Variants in SLC22A14 observed in about 807,000 individuals in gnomAD.
SLC22A14 encodes organic cation transporter-like 4.
Under a neutral mutation model 53.9 loss-of-function variants are expected in SLC22A14, and 50 were observed. The observed-to-expected ratio is 0.93, with a 90% confidence interval of 0.74 to 1.17. The LOEUF (loss-of-function observed/expected upper bound fraction) is 1.17, where lower values mean the gene tolerates loss of function less well. SLC22A14 is among the 50% of genes most tolerant of loss of function. The pLI, the probability that SLC22A14 is intolerant of heterozygous loss-of-function variation, is 0.00. For synonymous variants in SLC22A14, 312 were observed against 303.0 expected (o/e 1.03, Z -0.31); for missense variants, 671 against 734.7 (o/e 0.91, Z 1.00).
chr3:38,281,649 C>T (rs1703671166), upstream of SLC22A14, among the ~76,000 whole-genome samples: 1 of 152,216 alleles, frequency 6.6e-6, no homozygotes, highest in Non-Finnish European at 1.5e-5. Flanking sequence ...GACCCAATTA[C>T]ATCTTAAAGG....
chr3:38,306,792 G>A (rs754944407), intron 2 of SLC22A14, among the ~76,000 whole-genome samples: 3 of 152,300 alleles, frequency 2.0e-5, no homozygotes, highest in Admixed American at 1.3e-4. Flanking sequence ...CCAAGAAATC[G>A]CTCCTGTAGT....
chr3:38,293,978 A>T (rs1408035547), intron 1 of SLC22A14, among the ~76,000 whole-genome samples: 1 of 152,210 alleles, frequency 6.6e-6, no homozygotes, highest in Non-Finnish European at 1.5e-5. Flanking sequence ...GTAAAACATC[A>T]ATATAGCCAT....
chr3:38,308,761 C>G (rs818820), intron 4 of SLC22A14, among the ~76,000 whole-genome samples, 193 bp from the exon 5 acceptor site: 129,974 of 152,214 alleles, frequency 0.85, 55,587 homozygotes, highest in Non-Finnish European at 0.88. Flanking sequence ...ATAAGGGTGT[C>G]CCCTGGCGGG....
At chr3:38,312,699 A>G (rs1481030416) in intron 5 of SLC22A14, among the ~76,000 whole-genome samples, 2 of 152,198 alleles carry the variant, frequency 1.3e-5, no homozygotes, top group East Asian at 3.9e-4. Context: ...CCCCCTAGAT[A>G]GAAAAGGAGA....
Position 38,315,552 on chromosome 3 carries a change from C to G in SLC22A14, c.1379-6C>G. The G allele has an allele frequency of 6.2e-7, 1 of 1,612,864 alleles. No homozygotes were observed. Among genetic ancestry groups the G allele is most frequent in the Non-Finnish European group, 8.5e-7 (1 of 1,179,446 alleles). ...CTGATGAGTGGAACTCCTTCACCCA[C>G]CCCAGGGGAGGATGGCCTCAGACTC... is the stretch of plus-strand genomic sequence containing the variant. On this transcript the variant is annotated splice_region_variant and splice_polypyrimidine_tract_variant and intron_variant, in intron 8 of 10. Coordinates refer to ENST00000448498, the MANE Select transcript of SLC22A14 (RefSeq NM_001320033.2).
Position 38,306,272 on chromosome 3 carries a change from C to A in SLC22A14, c.246C>A (p.Phe82Leu), listed in dbSNP as rs767484064. 2 of 1,614,214 alleles carry A rather than the reference C, an allele frequency of 1.2e-6. No homozygotes were observed. Among genetic ancestry groups the A allele is most frequent in the Admixed American group, 1.7e-5 (1 of 60,032 alleles). The change falls in exon 2 of 11, where the codon TTC becomes TTA. Residue 82 changes from phenylalanine (F) to leucine (L), a missense_variant. Transcript: ENST00000448498. ...LTFIPSIMSA[F>L]FMFADHFVFT... ...TTATCCCCAGCATCATGTCGGCCTTCTTCATGTTTGCTGACCACTTCGTGT... is the reference window on the plus strand; with the variant it reads ...TTATCCCCAGCATCATGTCGGCCTTATTCATGTTTGCTGACCACTTCGTGT...
chr3:38,300,332 C>T (rs1008301057), intron 1 of SLC22A14, among the ~76,000 whole-genome samples: 2 of 152,028 alleles, frequency 1.3e-5, no homozygotes, highest in South Asian at 4.1e-4. Flanking sequence ...CCCAGCTACT[C>T]GGGAGCCTGA....
chr3:38,315,177 C>T (rs1704585019), intron 8 of SLC22A14, among the ~76,000 whole-genome samples: 1 of 152,240 alleles, frequency 6.6e-6, no homozygotes, highest in Admixed American at 6.5e-5. Context: ...GGTGGTACAG[C>T]CCTGAGCAGG....
At chr3:38,284,286 C>T (rs1209354603) in intron 1 of SLC22A14, among the ~76,000 whole-genome samples, 1 of 152,208 alleles carries the variant, frequency 6.6e-6, no homozygotes, top group African/African-American at 2.4e-5. Flanking sequence ...GTGGCCCTAG[C>T]CTTGGCTAGG....
intron 8 of SLC22A14, 119 bp from the exon 9 acceptor site, chr3:38,315,439 C>T (rs1298140000): frequency 1.0e-5 from 11 of 1,084,796 alleles, no homozygotes; most frequent in Non-Finnish European, 1.3e-6. Context: ...CCTGCCACTC[C>T]TCTGACAGAA....
chr3:38,290,089 C>G (rs1170574533), intron 1 of SLC22A14, among the ~76,000 whole-genome samples: 1 of 152,162 alleles, frequency 6.6e-6, no homozygotes, highest in Non-Finnish European at 1.5e-5. Context: ...AAGTTGCAAG[C>G]CCTATGTTTA....
Position 38,313,388 on chromosome 3 carries a change from C to G in SLC22A14, c.1066C>G (p.Leu356Val). The change falls in exon 7 of 11, where the codon CTG becomes GTG. Residue 356 changes from leucine to valine, a missense_variant and splice_region_variant. Leu to Val is a conservative substitution (Grantham distance 32). Coordinates refer to ENST00000448498, the MANE Select transcript of SLC22A14 (RefSeq NM_001320033.2). ...KTIPSNLLDELQLPRKKVTRA... is the reference protein window; with the variant it reads ...KTIPSNLLDEVQLPRKKVTRA... ...CTGACTGGTCCTGCTTGTTCTGTAG[C>G]TGCAGCTGCCCAGAAAGAAGGTGAC... 6.2e-7 allele frequency: 1 copy of G among 1,611,512 alleles called. No individual in the cohort carries two copies. The highest frequency in any genetic ancestry group is 1.1e-5 in the South Asian group (1 of 91,028).
upstream of SLC22A14, among the ~76,000 whole-genome samples, chr3:38,280,340 A>G (rs1390636389): frequency 1.3e-5 from 2 of 152,350 alleles, no homozygotes; most frequent in East Asian, 1.9e-4. Context: ...ACCCGGTGTC[A>G]TCATATTGGC....
intron 1 of SLC22A14, among the ~76,000 whole-genome samples, chr3:38,300,870 T>C (rs1704143415): frequency 6.6e-6 from 1 of 152,214 alleles, no homozygotes; most frequent in African/African-American, 2.4e-5. Flanking sequence ...TTTTTAGAGA[T>C]AAGGTCTTGC....
intron 10 of SLC22A14, among the ~76,000 whole-genome samples, chr3:38,317,659 A>G (rs1379856751): frequency 6.6e-6 from 1 of 152,224 alleles, no homozygotes; most frequent in African/African-American, 2.4e-5. Context: ...TCTGAGACTC[A>G]GTTTCTTCAT....
Position 38,307,863 on chromosome 3 carries a change from C to T in SLC22A14, c.775+143C>T, listed in dbSNP as rs575689835. The T allele has an allele frequency of 6.8e-4, 605 of 893,228 alleles. 6 individuals are homozygous for T. The South Asian group carries it at 8.1e-3, about 12-fold the overall frequency. 55.3% of individuals were successfully genotyped at this position (893,228 alleles called of 1,614,324 possible). A position where few individuals can be genotyped will look rare whatever the true frequency, so the allele number is the denominator to read the frequency against. On this transcript the variant is annotated intron_variant, in intron 4 of 10. Transcript: ENST00000448498. This position sits in a 1 kb window ranked among gnomAD's most constrained non-coding sequence, Gnocchi z 4.4. ...GTGGTGTAGCTGTAAGAGGGCATGG[C>T]GGGGGTGTGGCAGCGTGGGCATCTG...
intron 8 of SLC22A14, among the ~76,000 whole-genome samples, chr3:38,314,287 A>G (rs1704565443): frequency 6.6e-6 from 1 of 152,160 alleles, no homozygotes; most frequent in South Asian, 2.1e-4. Flanking sequence ...TATTCCTTCA[A>G]CTGCTGCCCA....
At chr3:38,286,182 CG>C (rs1213522690) in intron 1 of SLC22A14, among the ~76,000 whole-genome samples, 3 of 152,214 alleles carry the variant, frequency 2.0e-5, no homozygotes, top group South Asian at 4.1e-4. Context: ...GTGAAGGTTG[CG>C]GTGAGCTGAG....
upstream of SLC22A14, among the ~76,000 whole-genome samples, chr3:38,279,304 G>A (rs1461324369): frequency 6.6e-6 from 1 of 152,200 alleles, no homozygotes; most frequent in African/African-American, 2.4e-5. Context: ...AAACTGCCAA[G>A]GGGTGCGGAA....
Sources: gnomAD v4.1 joint callset for allele counts (sites outside exome capture counted in the v4.1 genomes callset) on GRCh38, gnomAD v4.1.1 for gene constraint, Gnocchi (gnomAD v3.1) non-coding constraint, MANE v1.5 for transcripts, NCBI Gene and HGNC (gene_info 2026-07-23, HGNC 2026-07-21) for gene names.